MSL3: variants seen among roughly 807,000 people sequenced by gnomAD.
The protein encoded by MSL3 is MSL3-like 1.
MSL3 carries 5 observed loss-of-function variants against 37.2 expected under a neutral mutation model. That is an observed-to-expected ratio of 0.13 (90% CI 0.07 to 0.28). MSL3 has a LOEUF of 0.28. Ranked by LOEUF, MSL3 falls within the 10% of genes least tolerant of loss-of-function variation. MSL3 has a pLI of 1.00. For missense variants in MSL3, 315 were observed against 408.5 expected (o/e 0.77, Z 1.97); for synonymous variants, 149 against 147.6 (o/e 1.01, Z -0.07).
intron 4 of MSL3, 109 bp from the exon 5 acceptor site, chrX:11,761,391 T>C: frequency 2.3e-6 from 1 of 432,739 alleles, no homozygotes; most frequent in South Asian, 5.3e-5. Context: ...ATACATGGAA[T>C]TGCAGTTTAT....
rs766296730 is a variant in MSL3 at position 11,770,608 on chromosome X, T to A, written c.1282-1548T>A. On this transcript the variant is annotated intron_variant, in intron 10 of 12. Coordinates refer to ENST00000312196, the MANE Select transcript of MSL3 (RefSeq NM_078629.4). ...CGTGTTTTTTGACCAGGGCTCTTTC[T>A]CTCAGTTCCAATCGCTGCTCCACAG... is the stretch of plus-strand genomic sequence containing the variant. Among the ~76,000 whole-genome samples the A allele has an allele frequency of 1.8e-4, 20 of 111,419 alleles. No homozygotes were observed. The South Asian group carries it at 7.2e-3, about 40-fold the overall frequency.
chrX:11,759,213 C>T (rs751075053), intron 1 of MSL3, among the ~76,000 whole-genome samples: 1 of 112,522 alleles, frequency 8.9e-6, no homozygotes, highest in African/African-American at 3.2e-5. Flanking sequence ...CTGGACAGCT[C>T]TGTCCATTAG....
intron 9 of MSL3, chrX:11,766,133 G>A: frequency 2.4e-6 from 2 of 849,302 alleles, no homozygotes; most frequent in Non-Finnish European, 2.9e-6. Context: ...GTTTAATTTG[G>A]AAAGGTCTGT....
rs368034828 is a variant in MSL3 at position 11,758,255 on chromosome X, G to C, written c.-9G>C. 2 of 905,878 alleles carry C rather than the reference G, an allele frequency of 2.2e-6. No homozygotes were observed. The highest frequency in any genetic ancestry group is 2.4e-5 in the South Asian group (1 of 41,146). The allele number at this position is 905,878 out of a possible 1,213,427, so 74.7% of individuals were successfully genotyped here. A position where few individuals can be genotyped will look rare whatever the true frequency, so the allele number is the denominator to read the frequency against. Reference sequence around the variant, plus strand: ...GCCCCGGAGCCTCGCCCTCCGCCACGATGAGCAAATGAGCGCGAGCGAGGG... The same window carrying C: ...GCCCCGGAGCCTCGCCCTCCGCCACCATGAGCAAATGAGCGCGAGCGAGGG... On this transcript the variant is annotated 5_prime_UTR_variant, in exon 1 of 13. Transcript: ENST00000312196.
intron 1 of MSL3, chrX:11,759,573 C>T (rs2053108953): frequency 1.9e-6 from 2 of 1,030,960 alleles, no homozygotes; most frequent in Non-Finnish European, 1.2e-6. Flanking sequence ...CACTGTCTCA[C>T]GCTCAGAGAC....
At chrX:11,762,772 T>C in intron 6 of MSL3, 65 bp from the exon 7 acceptor site, 1 of 1,039,266 alleles carries the variant, frequency 9.6e-7, no homozygotes, top group Non-Finnish European at 1.3e-6. Flanking sequence ...TGACCAGTGT[T>C]TCTTGGAATA....
chrX:11,761,408 C>T (rs2053131165), intron 4 of MSL3, 92 bp from the exon 5 acceptor site: 1 of 470,449 alleles, frequency 2.1e-6, no homozygotes, highest in Non-Finnish European at 3.6e-6. Flanking sequence ...TTATTATTTC[C>T]AGTAGCACCC....
At chrX:11,765,428 G>C (rs1301194301) in intron 8 of MSL3, 39 bp from the exon 9 acceptor site, 1 of 1,153,776 alleles carries the variant, frequency 8.7e-7, no homozygotes, top group South Asian at 2.0e-5. Context: ...TTCTGGAAAG[G>C]CCCTTTGAGC....
chrX:11,761,624 T>TA, intron 5 of MSL3, 42 bp downstream of exon 5: 1 of 869,354 alleles, frequency 1.2e-6, no homozygotes, highest in Non-Finnish European at 1.6e-6. Context: ...TTGTTATATA[T>TA]TTTAGTGGTA....
chrX:11,769,387 C>T (rs2053212731), intron 10 of MSL3, among the ~76,000 whole-genome samples: 1 of 112,240 alleles, frequency 8.9e-6, no homozygotes, highest in Non-Finnish European at 1.9e-5. Context: ...GCCTTGCCAC[C>T]AGATTTCCAC....
chrX:11,762,803 T>C, intron 6 of MSL3, 34 bp from the exon 7 acceptor site: 2 of 1,155,702 alleles, frequency 1.7e-6, no homozygotes, highest in Non-Finnish European at 2.3e-6. Context: ...TACATTAGGA[T>C]GCATACATCA....
intron 9 of MSL3, chrX:11,766,259 T>C: frequency 2.6e-6 from 2 of 760,359 alleles, no homozygotes; most frequent in Non-Finnish European, 3.1e-6. Context: ...AATGTTTCAA[T>C]GAGCAAAATA....
At chrX:11,759,045 A>C (rs5979474) in intron 1 of MSL3, among the ~76,000 whole-genome samples, 5,114 of 111,850 alleles carry the variant, frequency 0.046, 285 homozygotes, top group African/African-American at 0.16. Context: ...GCAGCTCCTC[A>C]GATTTGGGTG....
At chrX:11,766,905 C>A in intron 9 of MSL3, 1 of 754,559 alleles carries the variant, frequency 1.3e-6, no homozygotes, top group South Asian at 6.7e-5. Context: ...GGAGTCGAAT[C>A]CCCATGCCCC....
At chrX:11,764,738 C>G (rs764129103) in intron 8 of MSL3, among the ~76,000 whole-genome samples, 2 of 112,137 alleles carry the variant, frequency 1.8e-5, no homozygotes, top group African/African-American at 3.2e-5. Flanking sequence ...GCCACCTTGC[C>G]CTGCCCTCCC....
intron 1 of MSL3, chrX:11,758,833 C>T: frequency 9.1e-7 from 1 of 1,099,927 alleles, no homozygotes; most frequent in Non-Finnish European, 1.2e-6. Flanking sequence ...TCCCTGGGAC[C>T]CTAGTCCAGT....
intron 11 of MSL3, 148 bp downstream of exon 11, chrX:11,772,403 G>T: frequency 4.0e-6 from 2 of 496,929 alleles, no homozygotes; most frequent in Non-Finnish European, 6.7e-6. Flanking sequence ...CAAAGAAAAG[G>T]CATTGAATGA....
chrX:11,762,763 G>T, intron 6 of MSL3, 74 bp from the exon 7 acceptor site: 2 of 975,580 alleles, frequency 2.1e-6, no homozygotes, highest in South Asian at 4.7e-5. Context: ...ATACAGACAT[G>T]ACCAGTGTTT....
chrX:11,761,194 G>A (rs1335624616), intron 4 of MSL3: 1 of 354,899 alleles, frequency 2.8e-6, no homozygotes, highest in African/African-American at 2.6e-5. Flanking sequence ...GTTCTCATGG[G>A]ATCTGTTCTC....
Sources: gnomAD v4.1 joint callset for allele counts (sites outside exome capture counted in the v4.1 genomes callset) on GRCh38, gnomAD v4.1.1 for gene constraint, MANE v1.5 for transcripts, NCBI Gene and HGNC (gene_info 2026-07-23, HGNC 2026-07-21) for gene names.